Variants in RBM19 observed in about 807,000 individuals in gnomAD.
RBM19 encodes the protein RNA binding motif protein 19, also known as probable RNA-binding protein 19.
In RBM19, 94 loss-of-function variants were observed where a neutral mutation model predicts 116.8. That is an observed-to-expected ratio of 0.80 (90% CI 0.68 to 0.95). RBM19 has a LOEUF of 0.95. Among genes scored for constraint, RBM19 ranks in the 40% least tolerant of loss-of-function variants. The probability of loss-of-function intolerance (pLI) is 0.00; values close to 1 mark genes in which losing one functional copy is unlikely to be tolerated. For missense variants in RBM19, 1,161 were observed against 1,220.7 expected, an observed-to-expected ratio of 0.95 and a Z score of 0.73; for synonymous variants, 475 against 494.1, an observed-to-expected ratio of 0.96 and a Z score of 0.51.
intron 11 of RBM19, among the ~76,000 whole-genome samples, chr12:113,946,779 G>A (rs1356172381): frequency 6.6e-6 from 1 of 152,248 alleles, no homozygotes; most frequent in African/African-American, 2.4e-5. Flanking sequence ...GCACCAGTGA[G>A]TAAGAATGTG....
chr12:113,825,929 T>C lies in RBM19; in HGVS notation c.2786-2608A>G, dbSNP rs552696601. On this transcript the variant is annotated intron_variant, in intron 23 of 23. Transcript: ENST00000261741. The surrounding 1 kb of genome is among the most constrained non-coding windows in gnomAD (Gnocchi z 5.7). Reference sequence around the variant, plus strand: ...TTTGCTCAAGCCTCCAGGGGCACCATCTCACCTGGGGAAAAGCTAAAGCTG... The same window carrying C: ...TTTGCTCAAGCCTCCAGGGGCACCACCTCACCTGGGGAAAAGCTAAAGCTG... Among the ~76,000 whole-genome samples, 1 of 152,232 alleles carries C rather than the reference T, an allele frequency of 6.6e-6. No individual in the cohort carries two copies. The highest frequency in any genetic ancestry group is 2.1e-4 in the South Asian group (1 of 4,816).
chr12:113,860,193 G>A (rs919438895), intron 21 of RBM19, among the ~76,000 whole-genome samples: 33 of 152,234 alleles, frequency 2.2e-4, no homozygotes, highest in Non-Finnish European at 1.3e-4. Flanking sequence ...AGCCAGGAAC[G>A]TGGGGAGTGG....
intron 21 of RBM19, among the ~76,000 whole-genome samples, chr12:113,887,634 CAA>C (rs35665613): frequency 2.8e-5 from 2 of 71,170 alleles, no homozygotes. Context: ...GACTCCATCT[CAA>C]AAAAAAAAAA....
intron 14 of RBM19, among the ~76,000 whole-genome samples, chr12:113,942,054 G>C (rs947140488): frequency 6.6e-6 from 1 of 152,198 alleles, no homozygotes; most frequent in African/African-American, 2.4e-5. Flanking sequence ...CTGGGTAGGG[G>C]AGTGAGATGT....
At chr12:113,872,188 G>C (rs1879262933) in intron 21 of RBM19, among the ~76,000 whole-genome samples, 2 of 148,526 alleles carry the variant, frequency 1.3e-5, no homozygotes, top group Non-Finnish European at 3.0e-5. Flanking sequence ...CCCCATCTGG[G>C]ATGTGAGGAG....
At chr12:113,936,041 ACAAAACAAAAC>A (rs1445343709) in intron 16 of RBM19, among the ~76,000 whole-genome samples, 7 of 109,290 alleles carry the variant, frequency 6.4e-5, no homozygotes, top group South Asian at 5.9e-4. Context: ...AAAAAACAAA[ACAAAACAAAAC>A]AAAAAAAACA....
intron 21 of RBM19, among the ~76,000 whole-genome samples, chr12:113,900,014 T>C (rs1881584023): frequency 6.6e-6 from 1 of 152,036 alleles, no homozygotes; most frequent in South Asian, 2.1e-4. Flanking sequence ...GGGCGCACAA[T>C]GCCACCCTTC....
chr12:113,948,101 G>A (rs1399602260), intron 10 of RBM19, among the ~76,000 whole-genome samples: 1 of 152,144 alleles, frequency 6.6e-6, no homozygotes, highest in Non-Finnish European at 1.5e-5. Flanking sequence ...CTCCACTCAG[G>A]GCATCCTTAC....
At chr12:113,957,553 T>C (rs1202457165) in intron 6 of RBM19, among the ~76,000 whole-genome samples, 1 of 151,670 alleles carries the variant, frequency 6.6e-6, no homozygotes, top group Non-Finnish European at 1.5e-5. Flanking sequence ...GGTGACAGAG[T>C]GAGACTCTGT....
chr12:113,863,314 C>G (rs11614586), intron 21 of RBM19, among the ~76,000 whole-genome samples: 13,756 of 152,066 alleles, frequency 0.09, 805 homozygotes, highest in Non-Finnish European at 0.14. Context: ...TGCCCCAGCC[C>G]TGGCCAGCAG....
intron 9 of RBM19, 89 bp from the exon 10 acceptor site, chr12:113,949,125 C>T: frequency 1.6e-6 from 2 of 1,241,368 alleles, no homozygotes; most frequent in Non-Finnish European, 2.3e-6. Flanking sequence ...TCTCTGCTGC[C>T]TTCCAAAAAA....
chr12:113,938,952 G>C (rs1017948083), intron 15 of RBM19, among the ~76,000 whole-genome samples: 1 of 152,204 alleles, frequency 6.6e-6, no homozygotes, highest in Non-Finnish European at 1.5e-5. Context: ...AAGCCAACTA[G>C]CTTGTAATAA....
At chr12:113,949,557 C>G (rs1871308913) in intron 9 of RBM19, among the ~76,000 whole-genome samples, 2 of 152,200 alleles carry the variant, frequency 1.3e-5, no homozygotes. Context: ...CATGTCTTCA[C>G]TGGGGTTGAT....
At chr12:113,962,790 T>C (rs1289945633) in intron 1 of RBM19, among the ~76,000 whole-genome samples, 1 of 152,224 alleles carries the variant, frequency 6.6e-6, no homozygotes, top group African/African-American at 2.4e-5. Flanking sequence ...GTAAGCTATA[T>C]ATATCTTTGT....
At chr12:113,935,410 A>G (rs73399033) in intron 16 of RBM19, among the ~76,000 whole-genome samples, 10,859 of 152,240 alleles carry the variant, frequency 0.071, 1,283 homozygotes, top group African/African-American at 0.25. Flanking sequence ...GATGACATGA[A>G]GAGAATTTTG....
rs147032097 is a variant in RBM19 at position 113,837,145 on chromosome 12, T to C, written c.2785+7523A>G. On this transcript the variant is annotated intron_variant, in intron 23 of 23. Coordinates refer to ENST00000261741, the MANE Select transcript of RBM19 (RefSeq NM_016196.4). ...TCCCAAGCAATGCTTCTGTGTCAGGTATACCCATCCTCCTACTTAATATAC... is the reference window on the plus strand; with the variant it reads ...TCCCAAGCAATGCTTCTGTGTCAGGCATACCCATCCTCCTACTTAATATAC... Among the ~76,000 whole-genome samples the C allele has an allele frequency of 4.5e-4, 67 of 147,972 alleles. 2 individuals are homozygous for C. The East Asian group carries it at 0.013, about 28-fold the overall frequency.
chr12:113,936,953 C>T, intron 16 of RBM19, 54 bp downstream of exon 16: 4 of 1,593,068 alleles, frequency 2.5e-6, no homozygotes, highest in Non-Finnish European at 3.4e-6. Flanking sequence ...CCCAACCCTC[C>T]TCCTTTCCCT....
At chr12:113,953,449 T>C (rs1181293696) in intron 7 of RBM19, among the ~76,000 whole-genome samples, 3 of 152,146 alleles carry the variant, frequency 2.0e-5, no homozygotes, top group South Asian at 2.1e-4. Flanking sequence ...GATTGCACCA[T>C]TGTACTCCAG....
chr12:113,961,597 T>C (rs1329341733), intron 2 of RBM19, among the ~76,000 whole-genome samples: 1 of 152,250 alleles, frequency 6.6e-6, no homozygotes, highest in East Asian at 1.9e-4. Context: ...TTATCCATCA[T>C]CTGTTTTTTC....
Sources: allele counts gnomAD v4.1 joint callset (sites outside exome capture counted in the v4.1 genomes callset), GRCh38; gene constraint gnomAD v4.1.1; non-coding constraint Gnocchi (gnomAD v3.1); transcripts MANE v1.5; gene names NCBI Gene and HGNC (gene_info 2026-07-23, HGNC 2026-07-21).